Variants in LSAMP observed in about 807,000 individuals in gnomAD.
The protein encoded by LSAMP is limbic system associated membrane protein.
Under a neutral mutation model 38.6 loss-of-function variants are expected in LSAMP, and 7 were observed. That is an observed-to-expected ratio of 0.18 (90% CI 0.10 to 0.34). LSAMP has a LOEUF of 0.34. LSAMP is among the 10% of genes least tolerant of loss of function. The pLI, the probability that LSAMP is intolerant of heterozygous loss-of-function variation, is 1.00. For missense variants in LSAMP, 313 were observed against 420.0 expected (o/e 0.75, Z 2.23); for synonymous variants, 154 against 166.8 (o/e 0.92, Z 0.59).
chr3:116,328,213 A>G (rs1200511574), intron 1 of LSAMP, among the ~76,000 whole-genome samples: 1 of 152,166 alleles, frequency 6.6e-6, no homozygotes, highest in Non-Finnish European at 1.5e-5. Context: ...AACGTCAAGA[A>G]TATATTTCCC....
chr3:116,046,489 A>G (rs920797870), intron 2 of LSAMP, among the ~76,000 whole-genome samples: 1 of 152,210 alleles, frequency 6.6e-6, no homozygotes, highest in Non-Finnish European at 1.5e-5. Flanking sequence ...ACCACAGCTA[A>G]TTTTCCCTCA....
intron 1 of LSAMP, among the ~76,000 whole-genome samples, chr3:116,220,294 T>C (rs959737328): frequency 4.8e-5 from 7 of 144,596 alleles, no homozygotes; most frequent in South Asian, 2.2e-4. Context: ...GTGGAGAAAC[T>C]ATAACTACAT....
chr3:116,028,814 G>T (rs896570562), intron 2 of LSAMP, among the ~76,000 whole-genome samples: 1 of 152,006 alleles, frequency 6.6e-6, no homozygotes, highest in African/African-American at 2.4e-5. Flanking sequence ...GTAGATAATT[G>T]CTATAATTTA....
chr3:116,251,059 A>T (rs2046678073), intron 1 of LSAMP, among the ~76,000 whole-genome samples: 1 of 152,206 alleles, frequency 6.6e-6, no homozygotes, highest in African/African-American at 2.4e-5. Context: ...CCTTGTTGTC[A>T]TGAGTTCACT....
At chr3:115,891,691 C>G (rs13083779) in intron 3 of LSAMP, among the ~76,000 whole-genome samples, 24,498 of 152,006 alleles carry the variant, frequency 0.16, 2,053 homozygotes, top group Middle Eastern at 0.21. Flanking sequence ...CTCAGGAGAG[C>G]CCTTAACTAT....
chr3:116,164,601 AAT>A (rs36047780), intron 1 of LSAMP, among the ~76,000 whole-genome samples: 66,462 of 106,968 alleles, frequency 0.62, 21,737 homozygotes, highest in East Asian at 0.8. Flanking sequence ...ATATAATCCA[AAT>A]ATATATATAT....
At chr3:115,916,800 A>G (rs1197643952) in intron 3 of LSAMP, among the ~76,000 whole-genome samples, 1 of 152,192 alleles carries the variant, frequency 6.6e-6, no homozygotes, top group African/African-American at 2.4e-5. Flanking sequence ...AAGGTCAGGA[A>G]TCATATTCAA....
intron 3 of LSAMP, among the ~76,000 whole-genome samples, chr3:115,964,967 T>C (rs994682080): frequency 1.3e-5 from 2 of 152,120 alleles, no homozygotes; most frequent in Admixed American, 1.3e-4. Flanking sequence ...TATTCTCAAA[T>C]TGACCAACAG....
intron 1 of LSAMP, among the ~76,000 whole-genome samples, chr3:116,298,940 A>C (rs1252370776): frequency 6.6e-6 from 1 of 152,246 alleles, no homozygotes; most frequent in Non-Finnish European, 1.5e-5. Context: ...TTTGCCAAAC[A>C]CTTAAGGACT....
In LSAMP at chr3:116,305,662, C is replaced by T. The variant is rs370185771; in HGVS notation, c.155+139215G>A. Among the ~76,000 whole-genome samples, 7 of 151,970 alleles carry T rather than the reference C, an allele frequency of 4.6e-5. No individual in the cohort carries two copies. In the South Asian group the frequency reaches 1.2e-3, roughly 27 times the overall value. On this transcript the variant is annotated intron_variant, in intron 1 of 6. Coordinates refer to ENST00000490035, the MANE Select transcript of LSAMP (RefSeq NM_002338.5). Reference sequence around the variant, plus strand: ...AACACAAAAAAATTTCTTAATTCTACCAAAATTATATTATTTGTATTAATC... The same window carrying T: ...AACACAAAAAAATTTCTTAATTCTATCAAAATTATATTATTTGTATTAATC...
Position 115,803,190 on chromosome 3 carries a change from C to T in LSAMP, c.*7127G>A, listed in dbSNP as rs1458560697. ...CCAAAAAGAGGTACTTCTGAAATGA[C>T]CATGAAAACGGGGAGTTGTCCCATG... On this transcript the variant is annotated 3_prime_UTR_variant, in exon 7 of 7. Transcript: ENST00000490035. The T allele has an allele frequency of 6.6e-6, 1 of 152,228 alleles. No individual in the cohort carries two copies. The highest frequency in any genetic ancestry group is 1.9e-4 in the East Asian group (1 of 5,202). The allele number at this position is 152,228 out of a possible 1,614,324, so 9.4% of individuals were successfully genotyped here.
chr3:115,995,362 T>G (rs1170897977), intron 3 of LSAMP, among the ~76,000 whole-genome samples: 1 of 152,070 alleles, frequency 6.6e-6, no homozygotes, highest in Non-Finnish European at 1.5e-5. Flanking sequence ...TCTTGTTTAA[T>G]TTAGTGCCCT....
At chr3:116,128,698 C>T (rs987203344) in intron 1 of LSAMP, among the ~76,000 whole-genome samples, 2 of 152,132 alleles carry the variant, frequency 1.3e-5, no homozygotes, top group Non-Finnish European at 2.9e-5. Context: ...AAATCTGTTT[C>T]ATCATTACAA....
At chr3:116,174,287 A>G (rs1710280674) in intron 1 of LSAMP, among the ~76,000 whole-genome samples, 1 of 151,880 alleles carries the variant, frequency 6.6e-6, no homozygotes. Flanking sequence ...ATCCCAAAAT[A>G]TTCTGCAAGC....
chr3:116,320,293 GT>G (rs1440555611), intron 1 of LSAMP, among the ~76,000 whole-genome samples: 10 of 152,096 alleles, frequency 6.6e-5, no homozygotes, highest in African/African-American at 1.9e-4. Context: ...CACACCTGTA[GT>G]CCTAGCTACT....
Position 116,411,302 on chromosome 3 carries a change from T to C in LSAMP, c.155+33575A>G, listed in dbSNP as rs558027372. On this transcript the variant is annotated intron_variant, in intron 1 of 6. Transcript: ENST00000490035. ...TATATACCCAAAGGACTATAAATCA[T>C]GCTGCTGTAAAGACACATGCACACG... Among the ~76,000 whole-genome samples, 7 of 152,148 alleles carry C rather than the reference T, an allele frequency of 4.6e-5. No individual in the cohort carries two copies. In the East Asian group the frequency reaches 1.4e-3, roughly 30 times the overall value.
intron 3 of LSAMP, among the ~76,000 whole-genome samples, chr3:115,924,783 C>G (rs1937460807): frequency 6.6e-6 from 1 of 152,058 alleles, no homozygotes; most frequent in Non-Finnish European, 1.5e-5. Flanking sequence ...TAATCAGAAG[C>G]CCATTTTATT....
At chr3:116,439,709 A>T (rs2049406337) in intron 1 of LSAMP, among the ~76,000 whole-genome samples, 1 of 152,182 alleles carries the variant, frequency 6.6e-6, no homozygotes, top group African/African-American at 2.4e-5. Flanking sequence ...TAAAATAGAT[A>T]GTTTCAGCAT....
intron 1 of LSAMP, among the ~76,000 whole-genome samples, chr3:116,256,465 T>C (rs968987488): frequency 1.3e-5 from 2 of 152,224 alleles, no homozygotes; most frequent in Non-Finnish European, 1.5e-5. Context: ...TAACTTTTGA[T>C]AGTGTGATTT....
Sources: allele counts gnomAD v4.1 joint callset (sites outside exome capture counted in the v4.1 genomes callset), GRCh38; gene constraint gnomAD v4.1.1; transcripts MANE v1.5; gene names NCBI Gene and HGNC (gene_info 2026-07-23, HGNC 2026-07-21).